FREM1: variants seen among roughly 807,000 people sequenced by gnomAD.
FREM1 encodes FRAS1-related extracellular matrix protein 1.
In FREM1, 220 loss-of-function variants were observed where a neutral mutation model predicts 210.1. That is an observed-to-expected ratio of 1.05 (90% CI 0.94 to 1.17). The LOEUF is 1.17. Among genes scored for constraint, FREM1 ranks in the 50% most tolerant of loss-of-function variants. The probability of loss-of-function intolerance (pLI) is 0.00; values close to 1 mark genes in which losing one functional copy is unlikely to be tolerated. For synonymous variants in FREM1, 1,189 were observed against 980.2 expected (o/e 1.21, Z -3.98); for missense variants, 3,454 against 2,675.5 (o/e 1.29, Z -6.42).
At position 14,772,251 on chromosome 9, in the gene FREM1, T is replaced by C. The variant is rs572644354; in HGVS notation, c.4858-1445A>G. Among the ~76,000 whole-genome samples the C allele has an allele frequency of 1.1e-4, 16 of 152,238 alleles. No homozygotes were observed. In the South Asian group the frequency reaches 3.1e-3, roughly 30 times the overall value. On this transcript the variant is annotated intron_variant, in intron 25 of 36. Coordinates refer to ENST00000380880, the MANE Select transcript of FREM1 (RefSeq NM_001379081.2). ...ATATGTATGCAAAAATGATTAGATATATATTCACCAAAATACTATTTATAA... is the reference window on the plus strand; with the variant it reads ...ATATGTATGCAAAAATGATTAGATACATATTCACCAAAATACTATTTATAA...
chr9:14,909,338 A>G (rs1454306823), intron 1 of FREM1, among the ~76,000 whole-genome samples: 1 of 146,812 alleles, frequency 6.8e-6, no homozygotes, highest in Non-Finnish European at 1.5e-5. Context: ...CTCAGTACTG[A>G]GCAGAGAGAG....
At chr9:14,873,963 T>G (rs1051789975) in intron 1 of FREM1, among the ~76,000 whole-genome samples, 7 of 152,198 alleles carry the variant, frequency 4.6e-5, no homozygotes, top group African/African-American at 1.7e-4. Flanking sequence ...TCAGTTTCCA[T>G]GTAGTTGAGT....
In FREM1 at chr9:14,746,928, T is replaced by G; in HGVS notation, c.6133A>C (p.Thr2045Pro). Reference protein sequence around the residue: ...GIAWKAWSPQTKDVEDKSCPA... With the variant: ...GIAWKAWSPQPKDVEDKSCPA... ...CTGCTCAGCCTGCCTCCTACCTTGG[T>G]TTGGGGACTCCAGGCTTTCCAGGCG... The change falls in exon 34 of 37, where the codon ACC (threonine) becomes CCC (proline). Residue 2045 changes from threonine (T) to proline (P), a missense_variant. Coordinates refer to ENST00000380880, the MANE Select transcript of FREM1 (RefSeq NM_001379081.2). 6.2e-7 allele frequency: 1 copy of G among 1,612,834 alleles called. No homozygotes were observed. Among genetic ancestry groups the G allele is most frequent in the Non-Finnish European group, 8.5e-7 (1 of 1,179,630 alleles).
chr9:14,878,829 C>T (rs1834258683), intron 1 of FREM1, among the ~76,000 whole-genome samples: 1 of 151,906 alleles, frequency 6.6e-6, no homozygotes, highest in Non-Finnish European at 1.5e-5. Flanking sequence ...TATAGTTTAA[C>T]CCAGGAATAT....
chr9:14,802,103 C>A (rs1357162322), intron 19 of FREM1, among the ~76,000 whole-genome samples: 1 of 152,148 alleles, frequency 6.6e-6, no homozygotes, highest in Non-Finnish European at 1.5e-5. Context: ...GCACTTTATT[C>A]ATTTCCATGA....
At chr9:14,781,942 T>C (rs10961702) in intron 24 of FREM1, among the ~76,000 whole-genome samples, 17,514 of 152,232 alleles carry the variant, frequency 0.12, 1,288 homozygotes, top group Non-Finnish European at 0.16. Context: ...TGACCTCAGG[T>C]GATCCACCTG....
chr9:14,814,993 T>C (rs1049851667), intron 15 of FREM1, among the ~76,000 whole-genome samples: 5 of 152,254 alleles, frequency 3.3e-5, no homozygotes, highest in African/African-American at 1.2e-4. Flanking sequence ...GAAAGTTTTG[T>C]CTCTCTGTAA....
At chr9:14,854,645 G>C (rs971658072) in intron 5 of FREM1, among the ~76,000 whole-genome samples, 2 of 151,992 alleles carry the variant, frequency 1.3e-5, no homozygotes, top group Non-Finnish European at 2.9e-5. Context: ...ATCATCACTA[G>C]TGAAAGATAT....
upstream of FREM1, chr9:14,910,432 T>G (rs142514190): frequency 1.3e-5 from 2 of 152,562 alleles, no homozygotes; most frequent in African/African-American, 2.4e-5. Flanking sequence ...TTGTACTAAC[T>G]GCTCCGCCAC....
intron 3 of FREM1, among the ~76,000 whole-genome samples, chr9:14,863,608 G>A (rs1021227584): frequency 2.6e-5 from 4 of 152,108 alleles, no homozygotes; most frequent in African/African-American, 9.7e-5. Context: ...AGAATCCTAG[G>A]GAAGATGACA....
At chr9:14,777,324 T>C (rs1848778480) in intron 24 of FREM1, among the ~76,000 whole-genome samples, 1 of 152,226 alleles carries the variant, frequency 6.6e-6, no homozygotes, top group Non-Finnish European at 1.5e-5. Context: ...AATTTTTATT[T>C]CAATAAGATT....
chr9:14,900,676 C>A (rs1316525767), intron 1 of FREM1, among the ~76,000 whole-genome samples: 1 of 152,180 alleles, frequency 6.6e-6, no homozygotes, highest in Non-Finnish European at 1.5e-5. Flanking sequence ...AGGGAGGCAT[C>A]ATGAGCAAAC....
intron 13 of FREM1, among the ~76,000 whole-genome samples, chr9:14,822,204 C>T (rs1165225025): frequency 1.3e-5 from 2 of 150,340 alleles, no homozygotes; most frequent in African/African-American, 4.8e-5. Flanking sequence ...TTCATTAAAC[C>T]CCTTTCCTTT....
intron 1 of FREM1, among the ~76,000 whole-genome samples, chr9:14,908,863 G>C (rs866802221): frequency 6.6e-6 from 1 of 152,136 alleles, no homozygotes; most frequent in African/African-American, 2.4e-5. Flanking sequence ...GCAAATGGGG[G>C]TTCTTACACA....
chr9:14,903,949 G>A (rs1436977631), intron 1 of FREM1, among the ~76,000 whole-genome samples: 1 of 151,816 alleles, frequency 6.6e-6, no homozygotes, highest in Non-Finnish European at 1.5e-5. Flanking sequence ...GTGAAACCGC[G>A]TCTCTACTAA....
intron 27 of FREM1, among the ~76,000 whole-genome samples, chr9:14,760,414 A>G (rs887972103): frequency 1.3e-5 from 2 of 152,194 alleles, no homozygotes; most frequent in African/African-American, 4.8e-5. Flanking sequence ...GGGAATTAAA[A>G]TGTACATGTG....
intron 10 of FREM1, among the ~76,000 whole-genome samples, chr9:14,837,663 A>G (rs1213416967): frequency 6.6e-6 from 1 of 152,218 alleles, no homozygotes; most frequent in Non-Finnish European, 1.5e-5. Context: ...GATCCACACT[A>G]TGGCTGGGAA....
intron 1 of FREM1, among the ~76,000 whole-genome samples, chr9:14,877,379 C>T (rs1254117370): frequency 7.2e-6 from 1 of 138,780 alleles, no homozygotes; most frequent in Admixed American, 7.3e-5. Flanking sequence ...AACAGCAACT[C>T]CAACTTTTCA....
rs1312442387 is a variant in FREM1 at position 14,812,930 on chromosome 9, C to T, written c.2775G>A (p.Lys925=). The change falls in exon 16 of 37, where the codon AAG becomes AAA. Residue 925 remains lysine (K), a synonymous_variant. Transcript: ENST00000380880. The part of the protein sequence containing the change: ...FATDVDSDNL[K]LMFVIAREPQ... ...GTTCGCGAGCAATCACAAACATCAA[C>T]TTCAAGTTATCGCTGTCCACATCAG... 1.2e-6 allele frequency: 2 copies of T among 1,613,860 alleles called. No individual in the cohort carries two copies. Among genetic ancestry groups the T allele is most frequent in the African/African-American group, 2.7e-5 (2 of 74,920 alleles).
Sources: allele counts gnomAD v4.1 joint callset (sites outside exome capture counted in the v4.1 genomes callset), GRCh38; gene constraint gnomAD v4.1.1; transcripts MANE v1.5; gene names NCBI Gene and HGNC (gene_info 2026-07-23, HGNC 2026-07-21).